Variants in MYL6B observed in about 807,000 individuals in gnomAD.
MYL6B encodes myosin light chain 6B.
A neutral mutation model predicts 24.5 loss-of-function variants in MYL6B; 19 were observed. The ratio of observed to expected loss-of-function variants is 0.78; its 90% CI spans 0.54 to 1.14. The LOEUF (loss-of-function observed/expected upper bound fraction) is 1.14, where lower values mean the gene tolerates loss of function less well. Among genes scored for constraint, MYL6B ranks in the 50% most tolerant of loss-of-function variants. The probability of loss-of-function intolerance (pLI) is 0.00; values close to 1 mark genes in which losing one functional copy is unlikely to be tolerated. For missense variants in MYL6B, 230 were observed against 263.8 expected (o/e 0.87, Z 0.89); for synonymous variants, 90 against 100.7 (o/e 0.89, Z 0.64).
chr12:56,155,528 G>C (rs745485228), exon 5 of MYL6B: 1 of 1,614,010 alleles, frequency 6.2e-7, no homozygotes, highest in Admixed American at 1.7e-5. Flanking sequence ...GGTTTCGTGT[G>C]TTTGACAAGG....
chr12:56,157,389 CAAAA>C (rs895078479), intron 5 of MYL6B, 75 bp from the exon 6 acceptor site: 5 of 1,083,218 alleles, frequency 4.6e-6, no homozygotes, highest in Non-Finnish European at 6.4e-6. Context: ...AACTCCGTCT[CAAAA>C]AAAAAAAGGA....
chr12:56,155,120 G>A, exon 4 of MYL6B: 1 of 1,614,142 alleles, frequency 6.2e-7, no homozygotes, highest in Non-Finnish European at 8.5e-7. Flanking sequence ...CAGCCAGTGT[G>A]GGGACGTGAT....
rs34843827 is a variant in MYL6B, at chr12:56,157,047, CAA to C, written c.521-404_521-403del. 6.6e-3 allele frequency: 723 copies of C among 110,314 alleles called. 4 individuals carry two copies. Among genetic ancestry groups the C allele is most frequent in the African/African-American group, 0.018 (533 of 29,550 alleles). The allele number at this position is 110,314 out of a possible 1,614,324, so 6.8% of individuals were successfully genotyped here. ...TGGGTGACAGAGGGAGACCCTATCT[CAA>C]AAAAAAAAAAAAAAAATTACAATTG... On this transcript the variant is annotated intron_variant, in intron 5 of 6. Coordinates refer to ENST00000553066, the Ensembl canonical transcript of MYL6B.
In MYL6B at chr12:56,157,564, G is replaced by T; in HGVS notation, c.598+19G>T. On this transcript the variant is annotated intron_variant, in intron 6 of 6. Transcript: ENST00000553066. The stretch of plus-strand genomic sequence containing the variant: ...TACGAGGGTGAGGGGACAAAAAAGC[G>T]GGAGCGGGGCCGAGGGAGGAGGGCA... The T allele has an allele frequency of 7.2e-7, 1 of 1,394,798 alleles. No individual in the cohort carries two copies. The highest frequency in any genetic ancestry group is 1.2e-5 in the South Asian group (1 of 85,592). 86.4% of individuals were successfully genotyped at this position (1,394,798 alleles called of 1,614,324 possible).
chr12:56,155,041 T>G lies in MYL6B; in HGVS notation c.203-14T>G, dbSNP rs1175215600. ...CCTAGTCAGTGTCTACACTGACCCT[T>G]CCTTATACTTTAGAGTTCAAGGAGG... On this transcript the variant is annotated splice_polypyrimidine_tract_variant and intron_variant, in intron 3 of 6. Transcript: ENST00000553066. 6.2e-7 allele frequency: 1 copy of G among 1,605,416 alleles called. No individual in the cohort carries two copies. The highest frequency in any genetic ancestry group is 1.1e-5 in the South Asian group (1 of 89,752).
rs568657003 is a variant in MYL6B, at chr12:56,157,875, T to C, written c.*149T>C. On this transcript the variant is annotated 3_prime_UTR_variant, in exon 7 of 7. Transcript: ENST00000553066. ...CAGCGCTTCGCAACTTTGGTTTTTTTCCACAGATCCAGTGGGGTCCGGACA... is the reference window on the plus strand; with the variant it reads ...CAGCGCTTCGCAACTTTGGTTTTTTCCCACAGATCCAGTGGGGTCCGGACA... 2.7e-4 allele frequency: 253 copies of C among 931,080 alleles called. 1 individual carries two copies. The East Asian group carries it at 4.0e-3, about 15-fold the overall frequency. 57.7% of individuals were successfully genotyped at this position (931,080 alleles called of 1,614,324 possible).
intron 1 of MYL6B, 106 bp from the exon 2 acceptor site, chr12:56,153,767 G>T (rs969670472): frequency 1.3e-6 from 1 of 760,866 alleles, no homozygotes; most frequent in Non-Finnish European, 2.1e-6. Flanking sequence ...GGGGAGTGAG[G>T]GCAGGCGGTT....
intron 4 of MYL6B, 23 bp from the exon 5 acceptor site, chr12:56,155,396 C>T (rs2136904802): frequency 6.2e-7 from 1 of 1,614,132 alleles, no homozygotes; most frequent in East Asian, 2.2e-5. Flanking sequence ...ATGACCTCTC[C>T]TTTACCTCTC....
chr12:56,153,445 T>G, intron 1 of MYL6B: 1 of 985,898 alleles, frequency 1.0e-6, no homozygotes, highest in Non-Finnish European at 1.2e-6. Context: ...GGGCTTCTTG[T>G]TTTTGTCATT....
At chr12:56,157,428 G>T in intron 5 of MYL6B, 40 bp from the exon 6 acceptor site, 1 of 1,591,470 alleles carries the variant, frequency 6.3e-7, no homozygotes. Context: ...GTGAGTGAAG[G>T]AGGGAAAGGA....
chr12:56,156,069 A>C, intron 5 of MYL6B: 6 of 1,062,966 alleles, frequency 5.6e-6, no homozygotes, highest in Non-Finnish European at 6.9e-6. Context: ...ATTTTGGGAG[A>C]CCAAGGCGGG....
intron 2 of MYL6B, 84 bp downstream of exon 2, chr12:56,154,176 A>G (rs1871220532): frequency 7.3e-7 from 1 of 1,373,808 alleles, no homozygotes; most frequent in African/African-American, 1.5e-5. Context: ...GGTATCTAGA[A>G]GGTAGGGAAT....
chr12:56,157,419 TGAGTGAAG>T lies in MYL6B; in HGVS notation c.521-45_521-38del, dbSNP rs1349552462. 2.0e-6 allele frequency: 3 copies of T among 1,498,172 alleles called. No homozygotes were observed. The African/African-American group carries it at 4.3e-5, about 22-fold the overall frequency. The allele number at this position is 1,498,172 out of a possible 1,614,324, so 92.8% of individuals were successfully genotyped here. ...AAAAAAAGGAAAAGCGTGGCCTGGGTGAGTGAAGGAGGGAAAGGAGGGCCTCAGACGTT... is the reference window on the plus strand; with the variant it reads ...AAAAAAAGGAAAAGCGTGGCCTGGGTGAGGGAAAGGAGGGCCTCAGACGTT... On this transcript the variant is annotated intron_variant, in intron 5 of 6. Coordinates refer to ENST00000553066, the Ensembl canonical transcript of MYL6B.
chr12:56,153,818 TCCCTGC>T (rs760228800), intron 1 of MYL6B, 49 bp from the exon 2 acceptor site: 7 of 1,277,380 alleles, frequency 5.5e-6, no homozygotes, highest in Non-Finnish European at 7.5e-6. Flanking sequence ...GCCAACTGGC[TCCCTGC>T]CCCTGCCCCC....
At chr12:56,157,860 C>A in exon 7 of MYL6B, 1 of 1,155,202 alleles carries the variant, frequency 8.7e-7, no homozygotes, top group Non-Finnish European at 1.2e-6. Flanking sequence ...CAGCGCTTCG[C>A]AACTTTGGTT....
chr12:56,154,838 A>C, exon 3 of MYL6B: 2 of 1,612,640 alleles, frequency 1.2e-6, no homozygotes, highest in Non-Finnish European at 1.7e-6. Flanking sequence ...GACCAGCTGG[A>C]GGGTGAGGAG....
intron 2 of MYL6B, 39 bp downstream of exon 2, chr12:56,154,131 G>A (rs1871218413): frequency 1.3e-6 from 2 of 1,588,206 alleles, no homozygotes; most frequent in Non-Finnish European, 1.7e-6. Context: ...TGGAGGGGGT[G>A]GTTTGAGGGT....
At chr12:56,152,680 G>A (rs1420884764) in intron 1 of MYL6B, 49 bp downstream of exon 1, 2 of 65,622 alleles carry the variant, frequency 3.0e-5, no homozygotes, top group African/African-American at 9.9e-5. Flanking sequence ...GATTTAGTGG[G>A]GGTGCGTGAG....
intron 1 of MYL6B, among the ~76,000 whole-genome samples, chr12:56,153,217 C>A (rs1339520387): frequency 6.6e-6 from 1 of 152,128 alleles, no homozygotes; most frequent in Admixed American, 6.5e-5. Flanking sequence ...TCTTTGCCCC[C>A]ACTCCTGCCC....
Sources: allele counts gnomAD v4.1 joint callset (sites outside exome capture counted in the v4.1 genomes callset), GRCh38; gene constraint gnomAD v4.1.1; transcripts MANE v1.5; gene names NCBI Gene and HGNC (gene_info 2026-07-23, HGNC 2026-07-21).